TMEM225: variants seen among roughly 807,000 people sequenced by gnomAD.
TMEM225 encodes the protein transmembrane protein 225, also known as PMP22 claudin domain-containing protein.
In TMEM225, 10 loss-of-function variants were observed where a neutral mutation model predicts 17.6. The observed-to-expected ratio is 0.57, with a 90% CI of 0.35 to 0.96. The LOEUF (loss-of-function observed/expected upper bound fraction) is 0.96. Among genes scored for constraint, TMEM225 ranks in the 40% least tolerant of loss-of-function variants. The probability of loss-of-function intolerance (pLI) is 0.02; values close to 1 mark genes in which losing one functional copy is unlikely to be tolerated. For missense variants in TMEM225, 245 were observed against 271.5 expected (o/e 0.90, Z 0.69); for synonymous variants, 101 against 94.5 (o/e 1.07, Z -0.40).
Position 123,884,128 on chromosome 11 carries a change from A to G in TMEM225, c.410T>C (p.Ile137Thr), listed in dbSNP as rs143767594. The G allele has an allele frequency of 2.7e-4, 443 of 1,611,460 alleles. 2 individuals are homozygous for G. In the African/African-American group the frequency reaches 5.7e-3, roughly 21 times the overall value. ...GTAAGCAGTATACATGATCCAGGTGATCCTATAACTAGAGAAGTGCATGGA... is the reference window on the plus strand; with the variant it reads ...GTAAGCAGTATACATGATCCAGGTGGTCCTATAACTAGAGAAGTGCATGGA... ...GQSMHFSSYR[I>T]TWIMYTAYLN... Residue 137 changes from isoleucine (I) to threonine (T), a missense_variant, in exon 3 of 4, where the codon ATC becomes ACC. Ile to Thr is a moderately conservative substitution (Grantham distance 89). Transcript: ENST00000375026.
rs61366176 is a variant in TMEM225 at position 123,884,222 on chromosome 11, CAAAAAAAA to C, written c.329-21_329-14del. On this transcript the variant is annotated splice_polypyrimidine_tract_variant and intron_variant, in intron 2 of 3. Transcript: ENST00000375026. ...AGCAGAGAGATACCTGATGTCCAGA[CAAAAAAAA>C]AAAAAAAAAAAGAAAAAGAAAAAAG... 2.8e-4 allele frequency: 349 copies of C among 1,236,088 alleles called. 1 individual carries two copies. Among genetic ancestry groups the C allele is most frequent in the South Asian group, 1.6e-3 (79 of 49,318 alleles). 76.6% of individuals were successfully genotyped at this position (1,236,088 alleles called of 1,614,324 possible).
chr11:123,884,387 C>T (rs972835044), intron 2 of TMEM225, 103 bp downstream of exon 2: 18 of 1,318,234 alleles, frequency 1.4e-5, no homozygotes, highest in Middle Eastern at 1.9e-4. Flanking sequence ...GTAGATCTAA[C>T]TCAGAAGCTA....
In TMEM225 at chr11:123,883,048, A is replaced by T; in HGVS notation, c.*90T>A. 2 of 1,109,638 alleles carry T rather than the reference A, an allele frequency of 1.8e-6. No homozygotes were observed. Among genetic ancestry groups the T allele is most frequent in the Non-Finnish European group, 2.6e-6 (2 of 757,218 alleles). The allele number at this position is 1,109,638 out of a possible 1,614,324, so 68.7% of individuals were successfully genotyped here. A position where few individuals can be genotyped will look rare whatever the true frequency, so the allele number is the denominator to read the frequency against. ...TTTACAAACCCCAACCATAATTCCA[A>T]ATAGAGACAACATGGTTGGAGACAC... On this transcript the variant is annotated 3_prime_UTR_variant, in exon 4 of 4. Coordinates refer to ENST00000375026, the MANE Select transcript of TMEM225 (RefSeq NM_001013743.3).
intron 2 of TMEM225, 44 bp downstream of exon 2, chr11:123,884,446 C>A: frequency 6.4e-7 from 1 of 1,563,976 alleles, no homozygotes; most frequent in South Asian, 1.2e-5. Context: ...ACCCACCCAT[C>A]AAAGTACACC....
intron 3 of TMEM225, 139 bp downstream of exon 3, chr11:123,883,936 A>T: frequency 2.2e-6 from 2 of 904,692 alleles, no homozygotes; most frequent in Non-Finnish European, 3.1e-6. Context: ...AACTGTCATC[A>T]GAGAATGAAT....
intron 1 of TMEM225, among the ~76,000 whole-genome samples, chr11:123,884,855 T>A (rs1373888039): frequency 6.6e-6 from 1 of 152,154 alleles, no homozygotes; most frequent in Non-Finnish European, 1.5e-5. Flanking sequence ...TGTCTTTCTC[T>A]TCTATTATTT....
At chr11:123,884,013 C>G in intron 3 of TMEM225, 62 bp downstream of exon 3, 2 of 1,500,704 alleles carry the variant, frequency 1.3e-6, no homozygotes, top group Non-Finnish European at 8.9e-7. Context: ...ATCTTTTTAC[C>G]CTTCCCTCTG....
In TMEM225 at chr11:123,885,327, C is replaced by A; in HGVS notation, c.99G>T (p.Trp33Cys). 1.2e-6 allele frequency: 2 copies of A among 1,613,638 alleles called. No individual in the cohort carries two copies. Among genetic ancestry groups the A allele is most frequent in the South Asian group, 1.1e-5 (1 of 91,050 alleles). Residue 33 changes from tryptophan to cysteine, a missense_variant, in exon 1 of 4, where the codon TGG becomes TGT. Trp to Cys is a radical substitution (Grantham distance 215). Transcript: ENST00000375026. The part of the protein sequence containing the change: ...LMVMGITLDK[W>C]VELISEDERA... ...TTTCATCTTCTGAAATCAATTCAAC[C>A]CATTTATCTAAGGTGATTCCCATCA...
chr11:123,884,222 C>CAAAA lies in TMEM225; in HGVS notation c.329-17_329-14dup, dbSNP rs61366176. ...AGCAGAGAGATACCTGATGTCCAGA[C>CAAAA]AAAAAAAAAAAAAAAAAAAGAAAAA... On this transcript the variant is annotated splice_polypyrimidine_tract_variant and intron_variant, in intron 2 of 3. Coordinates refer to ENST00000375026, the MANE Select transcript of TMEM225 (RefSeq NM_001013743.3). 6.7e-4 allele frequency: 834 copies of CAAAA among 1,235,860 alleles called. No individual in the cohort carries two copies. Among genetic ancestry groups the CAAAA allele is most frequent in the South Asian group, 3.3e-3 (165 of 49,282 alleles). 76.6% of individuals were successfully genotyped at this position (1,235,860 alleles called of 1,614,324 possible). A position where few individuals can be genotyped will look rare whatever the true frequency, so the allele number is the denominator to read the frequency against.
chr11:123,884,787 A>T (rs1863017846), intron 1 of TMEM225, 151 bp from the exon 2 acceptor site: 2 of 727,082 alleles, frequency 2.8e-6, no homozygotes, highest in South Asian at 4.4e-5. Flanking sequence ...CAAGCAGGGG[A>T]ACCTTAAGCT....
At position 123,885,237 on chromosome 11, in the gene TMEM225, G is replaced by A; in HGVS notation, c.181+8C>T. Reference sequence around the variant, plus strand: ...TCCACCCGTCTCTTTCTAGAGTACAGTTCTGACCTTCTGGCCAAAGAGCAG... The same window carrying A: ...TCCACCCGTCTCTTTCTAGAGTACAATTCTGACCTTCTGGCCAAAGAGCAG... On this transcript the variant is annotated splice_region_variant and intron_variant, in intron 1 of 3. Coordinates refer to ENST00000375026, the MANE Select transcript of TMEM225 (RefSeq NM_001013743.3). 1.2e-6 allele frequency: 2 copies of A among 1,612,294 alleles called. No homozygotes were observed. The highest frequency in any genetic ancestry group is 1.7e-6 in the Non-Finnish European group (2 of 1,178,970).
Position 123,884,644 on chromosome 11 carries a change from A to G in TMEM225, c.182-8T>C, listed in dbSNP as rs1438187934. 2 of 1,607,558 alleles carry G rather than the reference A, an allele frequency of 1.2e-6. No homozygotes were observed. The highest frequency in any genetic ancestry group is 1.7e-6 in the Non-Finnish European group (2 of 1,177,622). On this transcript the variant is annotated splice_polypyrimidine_tract_variant and splice_region_variant and intron_variant, in intron 1 of 3. Coordinates refer to ENST00000375026, the MANE Select transcript of TMEM225 (RefSeq NM_001013743.3). ...TGACCACTTTCAGGTCATCTGTTGGAAAGCAAAAGCTGTTTTGAGAGGACA... is the reference window on the plus strand; with the variant it reads ...TGACCACTTTCAGGTCATCTGTTGGGAAGCAAAAGCTGTTTTGAGAGGACA...
Position 123,885,627 on chromosome 11 carries a change from CTG to C in TMEM225, c.-204_-203del. On this transcript the variant is annotated 5_prime_UTR_variant, in exon 1 of 4. An upstream open reading frame in the 5' UTR loses its in-frame stop. Transcript: ENST00000375026. ...ACTTCCGTTATCTATCAGGGCCAGC[CTG>C]CTGTCAGGACTGCCAACTGCCATGG... The C allele has an allele frequency of 1.7e-6, 1 of 578,540 alleles. No individual in the cohort carries two copies. 35.8% of individuals were successfully genotyped at this position (578,540 alleles called of 1,614,324 possible). A position where few individuals can be genotyped will look rare whatever the true frequency, so the allele number is the denominator to read the frequency against.
intron 1 of TMEM225, 124 bp downstream of exon 1, chr11:123,885,121 G>T: frequency 2.3e-6 from 2 of 872,930 alleles, no homozygotes; most frequent in Non-Finnish European, 3.5e-6. Context: ...GAAGAACACT[G>T]CAACTTGAGA....
chr11:123,885,196 G>A (rs1262703417), intron 1 of TMEM225, 49 bp downstream of exon 1: 1 of 1,559,664 alleles, frequency 6.4e-7, no homozygotes, highest in African/African-American at 1.4e-5. Context: ...GCCAAGTTAA[G>A]GACACACCCT....
chr11:123,883,118 G>A lies in TMEM225; in HGVS notation c.*20C>T. The A allele has an allele frequency of 6.2e-7, 1 of 1,605,116 alleles. No individual in the cohort carries two copies. Among genetic ancestry groups the A allele is most frequent in the South Asian group, 1.1e-5 (1 of 90,834 alleles). On this transcript the variant is annotated 3_prime_UTR_variant, in exon 4 of 4. Coordinates refer to ENST00000375026, the MANE Select transcript of TMEM225 (RefSeq NM_001013743.3). ...TTTTCCATAAAGATGAGCATATACT[G>A]CAAGAAATAGATTGCCAAATCACAG...
chr11:123,883,415 T>G, intron 3 of TMEM225, 63 bp from the exon 4 acceptor site: 7 of 1,336,416 alleles, frequency 5.2e-6, no homozygotes, highest in Non-Finnish European at 7.4e-6. Flanking sequence ...AACAATTCTC[T>G]CCAATTTGGC....
rs1863001599 is a variant in TMEM225 at position 123,884,057 on chromosome 11, G to A, written c.463+18C>T. ...GGATTGGTTCTTAACACCCTTCAGG[G>A]GCCCTGGAGACACTCACCACAGACA... On this transcript the variant is annotated intron_variant, in intron 3 of 3. Coordinates refer to ENST00000375026, the MANE Select transcript of TMEM225 (RefSeq NM_001013743.3). The A allele has an allele frequency of 1.3e-6, 2 of 1,592,430 alleles. No homozygotes were observed. The highest frequency in any genetic ancestry group is 1.7e-6 in the Non-Finnish European group (2 of 1,171,168).
At chr11:123,883,657 G>A (rs943456114) in intron 3 of TMEM225, among the ~76,000 whole-genome samples, 5 of 152,000 alleles carry the variant, frequency 3.3e-5, no homozygotes, top group Admixed American at 6.6e-5. Context: ...CTTCGGTTTC[G>A]GTAGATGGCC....
Sources: gnomAD v4.1 joint callset for allele counts (sites outside exome capture counted in the v4.1 genomes callset) on GRCh38, gnomAD v4.1.1 for gene constraint, MANE v1.5 for transcripts, NCBI Gene and HGNC (gene_info 2026-07-23, HGNC 2026-07-21) for gene names.